Variants in TOP1MT observed in about 807,000 individuals in gnomAD.
The protein encoded by TOP1MT is DNA topoisomerase I, mitochondrial.
A neutral mutation model predicts 73.9 loss-of-function variants in TOP1MT; 80 were observed. That is an observed-to-expected ratio of 1.08 (90% CI 0.90 to 1.30). TOP1MT has a LOEUF of 1.30. Among genes scored for constraint, TOP1MT ranks in the 50% most tolerant of loss-of-function variants. The pLI is 0.00. For missense variants in TOP1MT, 815 were observed against 808.0 expected, an observed-to-expected ratio of 1.01 and a Z score of -0.10; for synonymous variants, 338 against 326.4, an observed-to-expected ratio of 1.04 and a Z score of -0.38.
chr8:143,330,473 G>C (rs1452415818), intron 2 of TOP1MT, among the ~76,000 whole-genome samples: 1 of 152,242 alleles, frequency 6.6e-6, no homozygotes, highest in Admixed American at 6.5e-5. Context: ...TACCGCTTTG[G>C]AGAAACAGGC....
rs1290788946 is a variant in TOP1MT, at chr8:143,334,846, G to GCC, written c.14_15dup (p.Leu6GlyfsTer9). 26 of 1,510,024 alleles carry GCC rather than the reference G, an allele frequency of 1.7e-5. No individual in the cohort carries two copies. Among genetic ancestry groups the GCC allele is most frequent in the Non-Finnish European group, 2.3e-5 (26 of 1,138,804 alleles). The allele number at this position is 1,510,024 out of a possible 1,614,324, so 93.5% of individuals were successfully genotyped here. A position where few individuals can be genotyped will look rare whatever the true frequency, so the allele number is the denominator to read the frequency against. On this transcript the variant is annotated frameshift_variant, in exon 1 of 14. Coordinates refer to ENST00000329245, the MANE Select transcript of TOP1MT (RefSeq NM_052963.3). LOFTEE classifies it high-confidence loss of function. ...GTCAGAGCCGCCCGGAGCCGCAGCA[G>GCC]CCGCACCACGCGCATCTGCCAGCCT...
chr8:143,343,586 C>T, intron 1 of TOP1MT: 2 of 260,474 alleles, frequency 7.7e-6, no homozygotes, highest in South Asian at 4.2e-5. Flanking sequence ...TAAAAGGCAG[C>T]TCCCAGGTCC....
At chr8:143,325,711 G>C (rs75866457) in intron 4 of TOP1MT, among the ~76,000 whole-genome samples, 178 bp from the exon 5 acceptor site, 2 of 152,278 alleles carry the variant, frequency 1.3e-5, no homozygotes, top group East Asian at 3.9e-4. Context: ...GGCTTGCAGG[G>C]GGCACCGAGA....
chr8:143,323,988 A>C lies in TOP1MT; in HGVS notation c.960+11T>G. ...GATGAAGAGCCGCCAGGAAGCGAGAAGGCCGCATACCTTATCGATGAAATA... is the reference window on the plus strand; with the variant it reads ...GATGAAGAGCCGCCAGGAAGCGAGACGGCCGCATACCTTATCGATGAAATA... On this transcript the variant is annotated intron_variant, in intron 7 of 13. Transcript: ENST00000329245. The C allele has an allele frequency of 6.2e-7, 1 of 1,611,262 alleles. No homozygotes were observed. Among genetic ancestry groups the C allele is most frequent in the South Asian group, 1.1e-5 (1 of 90,926 alleles).
At chr8:143,327,960 G>C (rs566132985) in intron 3 of TOP1MT, among the ~76,000 whole-genome samples, 1 of 152,226 alleles carries the variant, frequency 6.6e-6, no homozygotes, top group South Asian at 2.1e-4. Flanking sequence ...AAACTTCTAG[G>C]AAAAACATAG....
In TOP1MT at chr8:143,321,357, C is replaced by T. The variant is rs780433399; in HGVS notation, c.990G>A (p.Glu330=). 5.6e-6 allele frequency: 9 copies of T among 1,594,836 alleles called. No individual in the cohort carries two copies. The African/African-American group carries it at 8.1e-5, about 14-fold the overall frequency. ...CCACGGTGTCGGCCGCCTCACCGTC[C>T]TCCTTCTCATTTCCTGCTCTCAGTG... ...KLALRAGNEK[E]DGEAADTVGC... Residue 330 remains glutamate (E), a synonymous_variant, in exon 8 of 14, where the codon GAG becomes GAA. Transcript: ENST00000329245.
Position 143,343,978 on chromosome 8 carries a change from G to C in TOP1MT, c.-38-692C>G, listed in dbSNP as rs1461827486. Reference sequence around the variant, plus strand: ...CACATCCATGCAGACTGGAGACACAGTGAAACACGCGTCTTGCAAGGAAAA... The same window carrying C: ...CACATCCATGCAGACTGGAGACACACTGAAACACGCGTCTTGCAAGGAAAA... On this transcript the variant is annotated intron_variant, in intron 1 of 5. Transcript: ENST00000518007. The C allele has an allele frequency of 4.6e-5, 7 of 152,586 alleles. No homozygotes were observed. In the South Asian group the frequency reaches 1.4e-3, roughly 32 times the overall value. 9.5% of individuals were successfully genotyped at this position (152,586 alleles called of 1,614,324 possible).
rs1410570657 is a variant in TOP1MT, at chr8:143,318,078, CT to C, written c.1154del (p.Lys385ArgfsTer20). On this transcript the variant is annotated frameshift_variant, in exon 9 of 14. Coordinates refer to ENST00000329245, the MANE Select transcript of TOP1MT (RefSeq NM_052963.3). LOFTEE classifies it high-confidence loss of function. ...NRVPVEKPVY[K>X]NLQLFMENKD... ...TGTTCTCCATAAAGAGCTGTAAGTT[CT>C]TGTACACCTGAAGGAGAAAGAAGGA... 8 of 1,614,034 alleles carry C rather than the reference CT, an allele frequency of 5.0e-6. No individual in the cohort carries two copies. The highest frequency in any genetic ancestry group is 6.8e-6 in the Non-Finnish European group (8 of 1,179,932).
At chr8:143,315,287 T>C (rs1816125712) in intron 12 of TOP1MT, among the ~76,000 whole-genome samples, 1 of 152,196 alleles carries the variant, frequency 6.6e-6, no homozygotes, top group African/African-American at 2.4e-5. Flanking sequence ...GGCTCTGCCT[T>C]CTAGATAGCA....
At chr8:143,359,124 G>A, upstream of TOP1MT, 1 of 717,158 alleles carries the variant, frequency 1.4e-6, no homozygotes, top group Non-Finnish European at 1.7e-6. Context: ...TTATAGGTGT[G>A]AGCCACCGCA....
In TOP1MT at chr8:143,352,806, G is replaced by A. The variant is rs137966849; in HGVS notation, c.-39+3159C>T. 2.3e-3 allele frequency among the ~76,000 whole-genome samples: 349 copies of A among 152,208 alleles called. 1 individual carries two copies. The highest frequency in any genetic ancestry group is 9.5e-3 in the East Asian group (49 of 5,168). On this transcript the variant is annotated intron_variant, in intron 1 of 5. Coordinates refer to the TOP1MT transcript ENST00000518760. ...TGTCCAGCTGATTTTTAAATTTTTC[G>A]TCAAGTCACAGCCTCACTTCAAAGC...
At chr8:143,338,370 C>T (rs1036114773), upstream of TOP1MT, among the ~76,000 whole-genome samples, 1 of 151,962 alleles carries the variant, frequency 6.6e-6, no homozygotes, top group Non-Finnish European at 1.5e-5. Context: ...GAGTTCAGGA[C>T]CAGCCTGACC....
At chr8:143,334,974 T>A, upstream of TOP1MT, 4 of 1,111,914 alleles carry the variant, frequency 3.6e-6, no homozygotes, top group Non-Finnish European at 4.3e-6. Context: ...CCAGCGGCGC[T>A]CATCCCAAGG....
intron 7 of TOP1MT, among the ~76,000 whole-genome samples, chr8:143,323,317 C>CGCACGCCACACACAT (rs1176479079): frequency 2.6e-5 from 3 of 113,980 alleles, no homozygotes; most frequent in South Asian, 3.3e-4. Context: ...GCTCACCACA[C>CGCACGCCACACACAT]GCACGCCACA....
chr8:143,324,181 T>G, intron 6 of TOP1MT, 39 bp from the exon 7 acceptor site: 2 of 1,607,592 alleles, frequency 1.2e-6, no homozygotes, highest in African/African-American at 1.3e-5. Context: ...ACATTCACAT[T>G]CCTGTTAAAT....
At chr8:143,322,673 ACG>A (rs1586760226) in intron 7 of TOP1MT, among the ~76,000 whole-genome samples, 1 of 116,490 alleles carries the variant, frequency 8.6e-6, no homozygotes. Flanking sequence ...CACGCCACAC[ACG>A]CACGCCACAC....
chr8:143,327,354 A>C (rs1181534755), intron 3 of TOP1MT: 3 of 152,512 alleles, frequency 2.0e-5, no homozygotes, highest in Non-Finnish European at 4.4e-5. Flanking sequence ...CGTTTCCTAC[A>C]CAACAAAAAC....
intron 7 of TOP1MT, 130 bp from the exon 8 acceptor site, chr8:143,321,516 CCACA>C (rs1229557960): frequency 1.4e-6 from 1 of 694,890 alleles, no homozygotes; most frequent in Non-Finnish European, 2.2e-6. Flanking sequence ...CACACGCACT[CCACA>C]CACGCACGCC....
In TOP1MT at chr8:143,321,194, C is replaced by T. The variant is rs1816330979; in HGVS notation, c.1146+7G>A. The T allele has an allele frequency of 6.3e-7, 1 of 1,584,018 alleles. No homozygotes were observed. Among genetic ancestry groups the T allele is most frequent in the South Asian group, 1.1e-5 (1 of 88,590 alleles). ...ATAGCGGGGGCAGCTGGCGCGAGGGCACTCACCGGCTTCTCCACCGGCACT... is the reference window on the plus strand; with the variant it reads ...ATAGCGGGGGCAGCTGGCGCGAGGGTACTCACCGGCTTCTCCACCGGCACT... On this transcript the variant is annotated splice_region_variant and intron_variant, in intron 8 of 13. Coordinates refer to ENST00000329245, the MANE Select transcript of TOP1MT (RefSeq NM_052963.3).
Sources: allele counts gnomAD v4.1 joint callset (sites outside exome capture counted in the v4.1 genomes callset), GRCh38; gene constraint gnomAD v4.1.1; transcripts MANE v1.5; gene names NCBI Gene and HGNC (gene_info 2026-07-23, HGNC 2026-07-21).